TTC21B: variants seen among roughly 807,000 people sequenced by gnomAD.
TTC21B encodes tetratricopeptide repeat domain 21B, also known as tetratricopeptide repeat protein 21B.
A neutral mutation model predicts 175.1 loss-of-function variants in TTC21B; 127 were observed. The observed-to-expected ratio is 0.73, with a 90% CI of 0.63 to 0.84. TTC21B has a LOEUF of 0.84. TTC21B is among the 40% of genes least tolerant of loss of function. TTC21B has a pLI of 0.00. For missense variants in TTC21B, 1,561 were observed against 1,558.3 expected (o/e 1.00, Z -0.03); for synonymous variants, 524 against 524.5 (o/e 1.00, Z 0.01).
intron 3 of TTC21B, chr2:165,949,132 T>C (rs544618374): frequency 7.2e-5 from 33 of 460,302 alleles, no homozygotes; most frequent in South Asian, 2.2e-4. Context: ...ATTACTAATA[T>C]ACATTCCCTT....
intron 3 of TTC21B, among the ~76,000 whole-genome samples, chr2:165,946,024 C>T (rs944483083): frequency 2.0e-5 from 3 of 152,132 alleles, no homozygotes. Context: ...CAGCACATCA[C>T]AATTAAGATG....
intron 1 of TTC21B, among the ~76,000 whole-genome samples, chr2:165,951,500 T>C (rs1274336304): frequency 6.6e-6 from 1 of 152,192 alleles, no homozygotes; most frequent in Non-Finnish European, 1.5e-5. Context: ...TCCAGATTCA[T>C]ATTTCCATTT....
chr2:165,913,114 C>T (rs941662177), intron 16 of TTC21B, among the ~76,000 whole-genome samples: 3 of 152,020 alleles, frequency 2.0e-5, no homozygotes, highest in African/African-American at 7.3e-5. Flanking sequence ...TCTTGGCTCA[C>T]TGCAAACTCC....
At chr2:165,897,023 T>C (rs1430862717) in intron 22 of TTC21B, among the ~76,000 whole-genome samples, 1 of 152,060 alleles carries the variant, frequency 6.6e-6, no homozygotes, top group East Asian at 1.9e-4. Context: ...TCTTGAACCA[T>C]GAGGTGATGC....
chr2:165,953,765 G>C lies in TTC21B; in HGVS notation c.-60C>G. 2.6e-6 allele frequency: 4 copies of C among 1,546,568 alleles called. No homozygotes were observed. The highest frequency in any genetic ancestry group is 3.5e-6 in the Non-Finnish European group (4 of 1,145,252). On this transcript the variant is annotated 5_prime_UTR_variant, in exon 1 of 29. Transcript: ENST00000243344. ...ATTGTCTCGCCGCAGCCTAAAGGAA[G>C]ACGCAGAATTCAGCTCCCCTAGCCT...
intron 27 of TTC21B, 31 bp downstream of exon 27, chr2:165,880,648 T>C (rs1026702152): frequency 5.6e-6 from 9 of 1,611,422 alleles, no homozygotes; most frequent in African/African-American, 1.3e-5. Flanking sequence ...ATAATTTTTC[T>C]GTGAAAAATC....
In TTC21B at chr2:165,876,536, G is replaced by A. The variant is rs559569248; in HGVS notation, c.3806-304C>T. 6.6e-5 allele frequency among the ~76,000 whole-genome samples: 10 copies of A among 152,218 alleles called. 1 individual carries two copies. In the South Asian group the frequency reaches 1.9e-3, roughly 28 times the overall value. ...TACTAGAAAAGTCTCATTTATTTCA[G>A]GTTATAGTAAAAACTCATCATAGGG... On this transcript the variant is annotated intron_variant, in intron 27 of 28. Transcript: ENST00000243344.
intron 18 of TTC21B, among the ~76,000 whole-genome samples, chr2:165,910,900 A>G (rs1249328045): frequency 6.6e-6 from 1 of 152,160 alleles, no homozygotes; most frequent in Non-Finnish European, 1.5e-5. Flanking sequence ...TATATATTAA[A>G]TTACAAGCTA....
chr2:165,944,176 T>C (rs768676736), intron 4 of TTC21B, among the ~76,000 whole-genome samples: 5 of 152,146 alleles, frequency 3.3e-5, no homozygotes, highest in Admixed American at 6.5e-5. Flanking sequence ...CCAACCTATA[T>C]TTCTAGCCGA....
chr2:165,898,622 CA>C (rs998415363), intron 22 of TTC21B, 63 bp downstream of exon 22: 1 of 1,126,094 alleles, frequency 8.9e-7, no homozygotes, highest in African/African-American at 1.5e-5. Flanking sequence ...AACCACTAAA[CA>C]GAAGAAAAAA....
At chr2:165,901,965 CG>C in intron 19 of TTC21B, 55 bp from the exon 20 acceptor site, 1 of 1,414,398 alleles carries the variant, frequency 7.1e-7, no homozygotes, top group Non-Finnish European at 1.0e-6. Context: ...TTAAATTCTC[CG>C]TAACTCACAC....
chr2:165,917,237 T>G lies in TTC21B; in HGVS notation c.1899+20A>C. On this transcript the variant is annotated intron_variant, in intron 14 of 28. Coordinates refer to ENST00000243344, the MANE Select transcript of TTC21B (RefSeq NM_024753.5). ...ATAAGAAAGTTCACATCCGAGCCCTTAAATTAAAACTTGACCTACCTGCTC... is the reference window on the plus strand; with the variant it reads ...ATAAGAAAGTTCACATCCGAGCCCTGAAATTAAAACTTGACCTACCTGCTC... The G allele has an allele frequency of 1.9e-6, 3 of 1,607,002 alleles. No homozygotes were observed. The highest frequency in any genetic ancestry group is 2.6e-6 in the Non-Finnish European group (3 of 1,173,558).
intron 25 of TTC21B, 103 bp from the exon 26 acceptor site, chr2:165,884,121 T>G: frequency 1.1e-6 from 1 of 880,120 alleles, no homozygotes; most frequent in South Asian, 1.4e-5. Context: ...TTGTGGATTC[T>G]ATTTCTAGCT....
intron 3 of TTC21B, 117 bp from the exon 4 acceptor site, chr2:165,945,807 G>T (rs926858639): frequency 2.8e-5 from 26 of 923,740 alleles, no homozygotes; most frequent in Non-Finnish European, 4.1e-5. Flanking sequence ...CTGTCTAATA[G>T]AAATAAAATG....
intron 16 of TTC21B, among the ~76,000 whole-genome samples, chr2:165,912,911 G>T (rs1237464602): frequency 6.6e-6 from 1 of 152,106 alleles, no homozygotes; most frequent in African/African-American, 2.4e-5. Context: ...ATTTCCAGAA[G>T]TCATTAAACT....
In TTC21B at chr2:165,930,312, GCT is replaced by G; in HGVS notation, c.945_946del (p.Arg315SerfsTer3). On this transcript the variant is annotated frameshift_variant, in exon 9 of 29. Coordinates refer to ENST00000243344, the MANE Select transcript of TTC21B (RefSeq NM_024753.5). LOFTEE classifies it high-confidence loss of function. ...TGATTGCTGAGGGTTTAAACTAAAA[GCT>G]CTCTCAAGTAACGTTTGAATTTTTT... is the stretch of plus-strand genomic sequence containing the variant. 1 of 1,612,686 alleles carries G rather than the reference GCT, an allele frequency of 6.2e-7. No individual in the cohort carries two copies. The highest frequency in any genetic ancestry group is 1.1e-5 in the South Asian group (1 of 90,988).
chr2:165,912,744 T>C, intron 16 of TTC21B, 120 bp from the exon 17 acceptor site: 2 of 806,272 alleles, frequency 2.5e-6, no homozygotes, highest in South Asian at 2.8e-5. Context: ...TTGGCATATA[T>C]TAAAGCACAG....
In TTC21B at chr2:165,949,488, A is replaced by T. The variant is rs1281389143; in HGVS notation, c.168T>A (p.Ala56=). The T allele has an allele frequency of 1.2e-6, 2 of 1,613,886 alleles. No individual in the cohort carries two copies. Among genetic ancestry groups the T allele is most frequent in the Non-Finnish European group, 1.7e-6 (2 of 1,179,866 alleles). The change falls in exon 3 of 29, where the codon GCT becomes GCA. Residue 56 remains alanine (A), a synonymous_variant. Transcript: ENST00000243344. ...TTTTAATAGCCTCAAATTCTCGAAG[A>T]GCTTCTTGAGTTTTACCTGAAAATC... The part of the protein sequence containing the change: ...GTLMEGKTQE[A]LREFEAIKNK...
rs538999779 is a variant in TTC21B, at chr2:165,952,794, C to G, written c.21+891G>C. 1.8e-3 allele frequency among the ~76,000 whole-genome samples: 267 copies of G among 152,344 alleles called. 1 individual carries two copies. Among genetic ancestry groups the G allele is most frequent in the African/African-American group, 6.3e-3 (260 of 41,580 alleles). ...CCACTTATCACCATCTCACAGGATA[C>G]ACATTTCATTTACCTACTTGTTGTC... On this transcript the variant is annotated intron_variant, in intron 1 of 28. Transcript: ENST00000243344.
Sources: allele counts gnomAD v4.1 joint callset (sites outside exome capture counted in the v4.1 genomes callset), GRCh38; gene constraint gnomAD v4.1.1; transcripts MANE v1.5; gene names NCBI Gene and HGNC (gene_info 2026-07-23, HGNC 2026-07-21).